GPC6: variants seen among roughly 807,000 people sequenced by gnomAD.
GPC6 encodes glypican-6.
GPC6 carries 14 observed loss-of-function variants against 55.2 expected under a neutral mutation model. The observed-to-expected ratio is 0.25, with a 90% CI of 0.17 to 0.40. The LOEUF is 0.40. Among genes scored for constraint, GPC6 ranks in the 10% least tolerant of loss-of-function variants. The pLI is 1.00. For synonymous variants in GPC6, 278 were observed against 259.6 expected (o/e 1.07, Z -0.68); for missense variants, 641 against 708.5 (o/e 0.90, Z 1.08).
At chr13:93,798,511 A>G (rs1886270559) in intron 2 of GPC6, among the ~76,000 whole-genome samples, 1 of 152,302 alleles carries the variant, frequency 6.6e-6, no homozygotes, top group South Asian at 2.1e-4. Context: ...CAAATCATGC[A>G]TTTGCTGTGC....
intron 3 of GPC6, among the ~76,000 whole-genome samples, chr13:93,941,928 A>C (rs2140363819): frequency 6.6e-6 from 1 of 152,264 alleles, no homozygotes; most frequent in South Asian, 2.1e-4. Flanking sequence ...GGATAATATC[A>C]ATTTTGACTC....
At chr13:93,995,902 A>G (rs1594651937) in intron 3 of GPC6, among the ~76,000 whole-genome samples, 1 of 152,150 alleles carries the variant, frequency 6.6e-6, no homozygotes, top group East Asian at 1.9e-4. Flanking sequence ...GTTTGCCTAT[A>G]TTGTAGTCAT....
chr13:93,939,264 G>C (rs1878600648), intron 3 of GPC6, among the ~76,000 whole-genome samples: 1 of 151,024 alleles, frequency 6.6e-6, no homozygotes, highest in Non-Finnish European at 1.5e-5. Flanking sequence ...TTAATGTTTT[G>C]AGAAAAATAT....
intron 6 of GPC6, among the ~76,000 whole-genome samples, chr13:94,349,891 A>G (rs1414368825): frequency 1.3e-5 from 2 of 152,096 alleles, no homozygotes; most frequent in Non-Finnish European, 2.9e-5. Context: ...GACTATGTTT[A>G]TCTAACCCAG....
chr13:94,102,556 A>C (rs1184069155), intron 4 of GPC6, among the ~76,000 whole-genome samples: 1 of 151,626 alleles, frequency 6.6e-6, no homozygotes, highest in Non-Finnish European at 1.5e-5. Context: ...AGCCTTGTTA[A>C]TAAGCCAGTG....
chr13:93,801,200 T>C (rs1886356963), intron 2 of GPC6, among the ~76,000 whole-genome samples: 2 of 152,240 alleles, frequency 1.3e-5, no homozygotes, highest in South Asian at 4.1e-4. Context: ...TGTTGTTCTA[T>C]ATTGTCTCCA....
intron 4 of GPC6, among the ~76,000 whole-genome samples, chr13:94,211,757 G>A (rs974606867): frequency 5.9e-5 from 9 of 152,240 alleles, no homozygotes; most frequent in East Asian, 1.9e-4. Context: ...GCTCAGAATC[G>A]GTCATTCTCA....
chr13:93,402,179 T>C (rs1163215468), intron 1 of GPC6, among the ~76,000 whole-genome samples: 1 of 152,140 alleles, frequency 6.6e-6, no homozygotes, highest in African/African-American at 2.4e-5. Flanking sequence ...GCAGTGCTAA[T>C]AAGGAATGCA....
intron 1 of GPC6, among the ~76,000 whole-genome samples, chr13:93,492,537 G>T (rs111694672): frequency 6.9e-6 from 1 of 144,050 alleles, no homozygotes. Flanking sequence ...TGATTGCCCC[G>T]GCCAGAACTT....
chr13:93,266,891 T>A (rs573447568), intron 1 of GPC6, among the ~76,000 whole-genome samples: 1 of 152,298 alleles, frequency 6.6e-6, no homozygotes, highest in Non-Finnish European at 1.5e-5. Context: ...TATTCTGTCG[T>A]GTATTTCTCA....
intron 4 of GPC6, among the ~76,000 whole-genome samples, chr13:94,269,600 C>T (rs775760541): frequency 1.3e-5 from 2 of 152,266 alleles, no homozygotes; most frequent in African/African-American, 2.4e-5. Context: ...TGTTTGCTTC[C>T]GTGGGCTGCA....
chr13:93,944,456 G>A (rs997442188), intron 3 of GPC6, among the ~76,000 whole-genome samples: 9 of 152,050 alleles, frequency 5.9e-5, no homozygotes, highest in Admixed American at 1.3e-4. Context: ...CGCCCGCCTC[G>A]GCCTCCCAAA....
chr13:93,217,300 CA>C, the GPC6 span, among the ~76,000 whole-genome samples: 1 of 152,298 alleles, frequency 6.6e-6, no homozygotes, highest in South Asian at 2.1e-4. Context: ...AAACACTTTG[CA>C]AGGGCATTAT....
At chr13:93,900,712 T>G (rs948835345) in intron 3 of GPC6, among the ~76,000 whole-genome samples, 1 of 152,146 alleles carries the variant, frequency 6.6e-6, no homozygotes, top group Non-Finnish European at 1.5e-5. Flanking sequence ...TACATAGTAT[T>G]TGGAAAAATT....
At chr13:94,222,464 C>T (rs1027773403) in intron 4 of GPC6, among the ~76,000 whole-genome samples, 1 of 152,030 alleles carries the variant, frequency 6.6e-6, no homozygotes, top group Non-Finnish European at 1.5e-5. Context: ...CTGGGCTGGC[C>T]ACTATTTTAA....
chr13:94,299,900 A>C (rs1357214995), intron 5 of GPC6, among the ~76,000 whole-genome samples: 1 of 152,174 alleles, frequency 6.6e-6, no homozygotes, highest in African/African-American at 2.4e-5. Context: ...GTATAAATGG[A>C]ATATATTTGA....
chr13:93,270,821 T>C (rs1402430828), intron 1 of GPC6, among the ~76,000 whole-genome samples: 1 of 151,686 alleles, frequency 6.6e-6, no homozygotes, highest in Non-Finnish European at 1.5e-5. Flanking sequence ...CTCCTTCACT[T>C]CCATAGTTTA....
At position 93,908,518 on chromosome 13, in the gene GPC6, C is replaced by T. The variant is rs575530175; in HGVS notation, c.711+77973C>T. 9.2e-5 allele frequency among the ~76,000 whole-genome samples: 14 copies of T among 152,272 alleles called. 1 individual carries two copies. Among genetic ancestry groups the T allele is most frequent in the African/African-American group, 3.4e-4 (14 of 41,560 alleles). ...CAGGGTTTTCCCTTTGTGTTTGTAG[C>T]ATTTACACTTGTTTGTGTTTGCAGT... On this transcript the variant is annotated intron_variant, in intron 3 of 8. Transcript: ENST00000377047.
intron 3 of GPC6, among the ~76,000 whole-genome samples, chr13:93,996,949 C>T (rs1196170443): frequency 6.6e-6 from 1 of 152,118 alleles, no homozygotes; most frequent in Non-Finnish European, 1.5e-5. Context: ...AATCATCTAT[C>T]TGTTGGTGAA....
Sources: allele counts gnomAD v4.1 joint callset (sites outside exome capture counted in the v4.1 genomes callset), GRCh38; gene constraint gnomAD v4.1.1; transcripts MANE v1.5; gene names NCBI Gene and HGNC (gene_info 2026-07-23, HGNC 2026-07-21).